Variants in MYO1E observed in about 807,000 individuals in gnomAD.
The protein encoded by MYO1E is unconventional myosin-Ie.
MYO1E carries 68 observed loss-of-function variants against 151.1 expected under a neutral mutation model. The ratio of observed to expected loss-of-function variants is 0.45; its 90% CI spans 0.37 to 0.55. The LOEUF (loss-of-function observed/expected upper bound fraction) is 0.55, where lower values mean the gene tolerates loss of function less well. Ranked by LOEUF, MYO1E falls within the 20% of genes least tolerant of loss-of-function variation. The probability of loss-of-function intolerance (pLI) is 0.00; values close to 1 mark genes in which losing one functional copy is unlikely to be tolerated. For missense variants in MYO1E, 1,363 were observed against 1,389.3 expected (o/e 0.98, Z 0.30); for synonymous variants, 601 against 501.7 (o/e 1.20, Z -2.64).
rs147187797 is a variant in MYO1E, at chr15:59,141,259, A to G, written c.3081-2892T>C. ...GACACAGATGCACACATGTGCACGC[A>G]CACACACCAAAAACTCATCCCTATC... On this transcript the variant is annotated intron_variant, in intron 26 of 27. Coordinates refer to ENST00000288235, the MANE Select transcript of MYO1E (RefSeq NM_004998.4). Among the ~76,000 whole-genome samples the G allele has an allele frequency of 4.6e-5, 7 of 152,214 alleles. No homozygotes were observed. In the East Asian group the frequency reaches 9.7e-4, roughly 21 times the overall value.
At chr15:59,208,922 T>C (rs1205563958) in intron 13 of MYO1E, 74 bp from the exon 14 acceptor site, 2 of 1,571,322 alleles carry the variant, frequency 1.3e-6, no homozygotes, top group Admixed American at 3.4e-5. Flanking sequence ...GGTCCTTTCT[T>C]AGGCAAGGAA....
chr15:59,136,643 G>C lies in MYO1E; in HGVS notation c.*737C>G, dbSNP rs1292833345. On this transcript the variant is annotated 3_prime_UTR_variant, in exon 28 of 28. Coordinates refer to ENST00000288235, the MANE Select transcript of MYO1E (RefSeq NM_004998.4). The stretch of plus-strand genomic sequence containing the variant: ...CAGTATATGATCTGTTTTTATAAAT[G>C]TACAGCTTGAAAAAAGATCCTTCTT... 2.2e-6 allele frequency: 1 copy of C among 455,620 alleles called. No homozygotes were observed. Among genetic ancestry groups the C allele is most frequent in the Admixed American group, 2.4e-5 (1 of 42,470 alleles). 28.2% of individuals were successfully genotyped at this position (455,620 alleles called of 1,614,324 possible).
intron 1 of MYO1E, among the ~76,000 whole-genome samples, chr15:59,293,102 A>G (rs543768265): frequency 6.6e-6 from 1 of 152,296 alleles, no homozygotes; most frequent in East Asian, 1.9e-4. Context: ...GTGGGAGAAA[A>G]CAGTTTAGAA....
chr15:59,164,273 G>A (rs1219104361), intron 22 of MYO1E, among the ~76,000 whole-genome samples: 6 of 152,212 alleles, frequency 3.9e-5, no homozygotes, highest in East Asian at 1.9e-4. Context: ...ATAAGTTTAC[G>A]AGTATCTCCA....
intron 4 of MYO1E, among the ~76,000 whole-genome samples, chr15:59,251,907 A>G (rs1256156082): frequency 6.6e-6 from 1 of 152,362 alleles, no homozygotes; most frequent in Non-Finnish European, 1.5e-5. Flanking sequence ...GGATATTTGG[A>G]CAAAAACCAG....
intron 5 of MYO1E, 60 bp downstream of exon 5, chr15:59,236,525 A>T: frequency 7.0e-7 from 1 of 1,433,500 alleles, no homozygotes; most frequent in East Asian, 2.3e-5. Context: ...TCTAACAGCA[A>T]ATGGAGCCTC....
chr15:59,354,244 G>A (rs1360718345), intron 1 of MYO1E, among the ~76,000 whole-genome samples: 1 of 152,200 alleles, frequency 6.6e-6, no homozygotes, highest in Non-Finnish European at 1.5e-5. Context: ...AGACCGTCCT[G>A]GCCTTTGGAG....
chr15:59,174,001 T>G, intron 20 of MYO1E, 86 bp from the exon 21 acceptor site: 2 of 1,528,872 alleles, frequency 1.3e-6, no homozygotes, highest in Non-Finnish European at 1.8e-6. Flanking sequence ...ACAAAGAAAC[T>G]CTAAATGATG....
At chr15:59,141,222 T>C (rs1341738426) in intron 26 of MYO1E, among the ~76,000 whole-genome samples, 6 of 151,996 alleles carry the variant, frequency 3.9e-5, no homozygotes, top group Non-Finnish European at 8.8e-5. Flanking sequence ...GGGCTACAAG[T>C]GCACATGGAA....
At chr15:59,184,394 T>C (rs62004107) in intron 18 of MYO1E, among the ~76,000 whole-genome samples, 43,367 of 151,978 alleles carry the variant, frequency 0.29, 6,776 homozygotes, top group East Asian at 0.61. Context: ...TCTTGCTCCA[T>C]TGCCTAGGTT....
intron 1 of MYO1E, among the ~76,000 whole-genome samples, chr15:59,340,584 T>C (rs181030831): frequency 2.2e-4 from 33 of 152,346 alleles, no homozygotes; most frequent in East Asian, 1.7e-3. Context: ...ATGTTTACAA[T>C]TGCCTTTGCA....
chr15:59,306,502 G>A (rs564895811), intron 1 of MYO1E, among the ~76,000 whole-genome samples: 3 of 152,124 alleles, frequency 2.0e-5, no homozygotes, highest in Non-Finnish European at 2.9e-5. Context: ...CCTCATCCTC[G>A]TCTGAGATAC....
At chr15:59,209,520 A>G (rs1188286117) in intron 13 of MYO1E, among the ~76,000 whole-genome samples, 1 of 151,916 alleles carries the variant, frequency 6.6e-6, no homozygotes, top group East Asian at 1.9e-4. Flanking sequence ...TACTAAAAAT[A>G]CAAAAATTAG....
chr15:59,188,819 C>T (rs2079715567), intron 17 of MYO1E, among the ~76,000 whole-genome samples: 2 of 151,972 alleles, frequency 1.3e-5, no homozygotes, highest in Admixed American at 6.6e-5. Context: ...AGAGTATGAA[C>T]AAAAATATTG....
intron 22 of MYO1E, among the ~76,000 whole-genome samples, chr15:59,169,507 G>A (rs1340748462): frequency 6.6e-6 from 1 of 152,184 alleles, no homozygotes; most frequent in East Asian, 1.9e-4. Context: ...ATCTTGGCAA[G>A]TGTGAGGTTC....
intron 2 of MYO1E, among the ~76,000 whole-genome samples, chr15:59,265,831 G>A (rs1202052872): frequency 1.3e-5 from 2 of 151,120 alleles, no homozygotes; most frequent in Admixed American, 1.3e-4. Flanking sequence ...GCCAGGCATG[G>A]TGGTCTTCAC....
intron 22 of MYO1E, among the ~76,000 whole-genome samples, chr15:59,167,352 G>A (rs1173731286): frequency 1.3e-5 from 2 of 152,160 alleles, no homozygotes; most frequent in African/African-American, 2.4e-5. Flanking sequence ...AAAATGAGAA[G>A]CCTCATCAGA....
chr15:59,254,071 T>C (rs951081680), intron 4 of MYO1E, among the ~76,000 whole-genome samples: 6 of 152,002 alleles, frequency 3.9e-5, no homozygotes, highest in Non-Finnish European at 8.8e-5. Flanking sequence ...AATCATGGAA[T>C]TGGAATACTG....
chr15:59,257,953 T>C (rs1301103801), intron 3 of MYO1E, among the ~76,000 whole-genome samples: 1 of 152,222 alleles, frequency 6.6e-6, no homozygotes, highest in African/African-American at 2.4e-5. Context: ...AAAGAATGCT[T>C]CGTGAATAAG....
Sources: gnomAD v4.1 joint callset for allele counts (sites outside exome capture counted in the v4.1 genomes callset) on GRCh38, gnomAD v4.1.1 for gene constraint, MANE v1.5 for transcripts, NCBI Gene and HGNC (gene_info 2026-07-23, HGNC 2026-07-21) for gene names.